Variants in SERPINB8 observed in about 807,000 individuals in gnomAD.
SERPINB8 encodes serpin B8.
A neutral mutation model predicts 35.3 loss-of-function variants in SERPINB8; 25 were observed. The ratio of observed to expected loss-of-function variants is 0.71; its 90% CI spans 0.52 to 0.99. The LOEUF is 0.99. SERPINB8 is among the 50% of genes least tolerant of loss of function. SERPINB8 has a pLI of 0.00. For synonymous variants in SERPINB8, 186 were observed against 160.8 expected, an observed-to-expected ratio of 1.16 and a Z score of -1.19; for missense variants, 484 against 446.5, an observed-to-expected ratio of 1.08 and a Z score of -0.76.
At chr18:63,996,820 G>A (rs2050851964) in intron 1 of SERPINB8, among the ~76,000 whole-genome samples, 2 of 152,240 alleles carry the variant, frequency 1.3e-5, no homozygotes, top group South Asian at 2.1e-4. Flanking sequence ...GCTTTTGGCT[G>A]TCTCTGCCCC....
At chr18:64,001,707 G>C (rs990601264) in intron 1 of SERPINB8, among the ~76,000 whole-genome samples, 2 of 151,976 alleles carry the variant, frequency 1.3e-5, no homozygotes, top group Non-Finnish European at 2.9e-5. Flanking sequence ...GGCTGGTCTC[G>C]AACCCCTGAC....
chr18:63,975,761 ATATCT>A (rs1260475440), intron 1 of SERPINB8, among the ~76,000 whole-genome samples: 1 of 152,200 alleles, frequency 6.6e-6, no homozygotes, highest in Admixed American at 6.5e-5. Context: ...CTGTTGAAAA[ATATCT>A]TAGGAGGAAG....
chr18:63,986,197 A>G, intron 6 of SERPINB8: 1 of 1,521,184 alleles, frequency 6.6e-7, no homozygotes, highest in Non-Finnish European at 9.1e-7. Flanking sequence ...TGTTAAAGGG[A>G]AGGGGAGATG....
downstream of SERPINB8, among the ~76,000 whole-genome samples, chr18:64,008,662 G>A (rs944603716): frequency 2.6e-5 from 4 of 151,984 alleles, no homozygotes; most frequent in Non-Finnish European, 5.9e-5. Context: ...TTATAGGACT[G>A]CATCACAAAT....
Position 63,970,130 on chromosome 18 carries a change from A to AGCAGCGGCG in SERPINB8, c.-49_-48insAGCGGCGGC, listed in dbSNP as rs2050438521. 3 of 343,898 alleles carry AGCAGCGGCG rather than the reference A, an allele frequency of 8.7e-6. No individual in the cohort carries two copies. Among genetic ancestry groups the AGCAGCGGCG allele is most frequent in the Admixed American group, 3.6e-5 (1 of 27,624 alleles). The allele number at this position is 343,898 out of a possible 1,614,324, so 21.3% of individuals were successfully genotyped here. Reference sequence around the variant, plus strand: ...ACAAAGGAGGAATAGTCAAAGCAGCAGCGGCGGCGGCGGCGGCGGCAGCAG... The same window carrying AGCAGCGGCG: ...ACAAAGGAGGAATAGTCAAAGCAGCAGCAGCGGCGGCGGCGGCGGCGGCGGCGGCAGCAG... On this transcript the variant is annotated 5_prime_UTR_variant, in exon 1 of 7. Transcript: ENST00000397985.
rs1204091653 is a variant in SERPINB8, at chr18:63,979,883, A to G, written c.251A>G (p.Tyr84Cys). 1 of 1,613,954 alleles carries G rather than the reference A, an allele frequency of 6.2e-7. No individual in the cohort carries two copies. The highest frequency in any genetic ancestry group is 1.3e-5 in the African/African-American group (1 of 74,944). Residue 84 changes from tyrosine to cysteine, a missense_variant, in exon 3 of 7, where the codon TAC becomes TGC. Transcript: ENST00000397985. ...GAAGTTAACAGAACTGGCACTCAGTACTTGCTTAGAACTGCCAACAGACTC... is the reference window on the plus strand; with the variant it reads ...GAAGTTAACAGAACTGGCACTCAGTGCTTGCTTAGAACTGCCAACAGACTC... ...LSEVNRTGTQ[Y>C]LLRTANRLFG...
intron 6 of SERPINB8, 198 bp from the exon 7 acceptor site, chr18:63,986,676 C>G: frequency 7.3e-7 from 1 of 1,378,860 alleles, no homozygotes; most frequent in South Asian, 1.9e-5. Context: ...CTCTTTTACA[C>G]TTGTCTCCAT....
intron 7 of SERPINB8, among the ~76,000 whole-genome samples, chr18:64,011,106 T>A (rs1196798921): frequency 6.6e-6 from 1 of 152,024 alleles, no homozygotes; most frequent in African/African-American, 2.4e-5. Context: ...ATTATGTAAA[T>A]TTTATAATCA....
intron 5 of SERPINB8, among the ~76,000 whole-genome samples, chr18:63,984,410 C>T (rs890955988): frequency 5.9e-5 from 9 of 151,948 alleles, no homozygotes; most frequent in African/African-American, 2.2e-4. Context: ...CCTTAAAAGT[C>T]AAAGTTATAC....
chr18:64,016,509 A>C (rs1356811004), intron 7 of SERPINB8, among the ~76,000 whole-genome samples: 2 of 152,188 alleles, frequency 1.3e-5, no homozygotes, highest in African/African-American at 4.8e-5. Context: ...AGGAAGAGAT[A>C]AACTTTTTTA....
At chr18:64,005,436 G>GAT (rs201823781) in exon 2 of SERPINB8, 89,940 of 151,918 alleles carry the variant, frequency 0.59, 26,931 homozygotes, top group East Asian at 0.69. Flanking sequence ...GGGACCTTTG[G>GAT]GAGGTGATTA....
chr18:64,016,532 T>C (rs10513930), intron 7 of SERPINB8, among the ~76,000 whole-genome samples: 93,388 of 152,000 alleles, frequency 0.61, 28,851 homozygotes, highest in East Asian at 0.69. Context: ...CTAAGGGAAG[T>C]CAGTGATTAA....
downstream of SERPINB8, among the ~76,000 whole-genome samples, chr18:64,007,537 A>T (rs1459634482): frequency 6.6e-6 from 1 of 152,234 alleles, no homozygotes; most frequent in East Asian, 1.9e-4. Flanking sequence ...TATTATAAAT[A>T]CCTGAGACTG....
At chr18:63,986,175 C>G in intron 6 of SERPINB8, 1 of 1,281,510 alleles carries the variant, frequency 7.8e-7, no homozygotes, top group Admixed American at 1.8e-5. Context: ...GAGTACCCAC[C>G]TGGGCTCCAG....
At chr18:63,986,213 G>T in intron 6 of SERPINB8, 1 of 1,583,564 alleles carries the variant, frequency 6.3e-7, no homozygotes, top group Non-Finnish European at 8.7e-7. Flanking sequence ...AGATGCTAGT[G>T]GAAGGCCTTT....
intron 1 of SERPINB8, among the ~76,000 whole-genome samples, chr18:64,003,956 T>C (rs1055731623): frequency 6.6e-6 from 1 of 152,126 alleles, no homozygotes; most frequent in African/African-American, 2.4e-5. Context: ...CCCAGAAAAA[T>C]TGATAAACAG....
intron 6 of SERPINB8, chr18:63,986,343 T>G: frequency 6.3e-7 from 1 of 1,597,492 alleles, no homozygotes; most frequent in Non-Finnish European, 8.5e-7. Context: ...CTTCTTGCAT[T>G]CCCCATTTCT....
intron 7 of SERPINB8, among the ~76,000 whole-genome samples, chr18:64,017,013 G>A (rs1236447695): frequency 1.3e-5 from 2 of 152,156 alleles, no homozygotes; most frequent in African/African-American, 4.8e-5. Context: ...TAAAAAACCT[G>A]TCTGTTCACA....
chr18:64,003,191 C>G (rs550528959), intron 1 of SERPINB8, among the ~76,000 whole-genome samples: 1 of 152,164 alleles, frequency 6.6e-6, no homozygotes, highest in African/African-American at 2.4e-5. Context: ...TTGTCGAGCC[C>G]CCTTTTACCC....
Sources: gnomAD v4.1 joint callset for allele counts (sites outside exome capture counted in the v4.1 genomes callset) on GRCh38, gnomAD v4.1.1 for gene constraint, MANE v1.5 for transcripts, NCBI Gene and HGNC (gene_info 2026-07-23, HGNC 2026-07-21) for gene names.